The following FLT1 variants were observed in gnomAD, a reference collection of about 807,000 sequenced individuals.
The protein encoded by FLT1 is vascular endothelial growth factor receptor 1.
In FLT1, 49 loss-of-function variants were observed where a neutral mutation model predicts 156.3. The ratio of observed to expected loss-of-function variants is 0.31; its 90% CI spans 0.25 to 0.40. The LOEUF is 0.40. Ranked by LOEUF, FLT1 falls within the 10% of genes least tolerant of loss-of-function variation. The pLI, the probability that FLT1 is intolerant of heterozygous loss-of-function variation, is 1.00. For synonymous variants in FLT1, 594 were observed against 583.8 expected, an observed-to-expected ratio of 1.02 and a Z score of -0.25; for missense variants, 1,322 against 1,637.2, an observed-to-expected ratio of 0.81 and a Z score of 3.32.
At chr13:28,488,330 G>A (rs151108188) in intron 1 of FLT1, among the ~76,000 whole-genome samples, 2,529 of 152,230 alleles carry the variant, frequency 0.017, 67 homozygotes, top group African/African-American at 0.058. Flanking sequence ...AACCTGGGAG[G>A]TGGAGGTGGC....
intron 16 of FLT1, among the ~76,000 whole-genome samples, chr13:28,340,473 A>T (rs529599365): frequency 1.2e-3 from 181 of 152,296 alleles, no homozygotes; most frequent in Non-Finnish European, 2.2e-3. Context: ...TTAATGGGCA[A>T]ATTTCTAGAA....
intron 18 of FLT1, among the ~76,000 whole-genome samples, chr13:28,332,086 G>C (rs1305715572): frequency 6.6e-6 from 1 of 152,090 alleles, no homozygotes; most frequent in Non-Finnish European, 1.5e-5. Context: ...GAATTAGCTA[G>C]GTGTGATGGT....
At chr13:28,306,817 G>A (rs1301788939) in intron 28 of FLT1, 45 bp from the exon 29 acceptor site, 2 of 1,329,272 alleles carry the variant, frequency 1.5e-6, no homozygotes, top group Non-Finnish European at 2.2e-6. Flanking sequence ...TGGCCCAGCG[G>A]GGGTCCATGC....
intron 23 of FLT1, among the ~76,000 whole-genome samples, chr13:28,321,060 C>T (rs1036750080): frequency 6.6e-6 from 1 of 152,188 alleles, no homozygotes; most frequent in Non-Finnish European, 1.5e-5. Flanking sequence ...TTTCCTGAGA[C>T]AGATACACCT....
intron 3 of FLT1, among the ~76,000 whole-genome samples, chr13:28,465,839 A>AAAC (rs1566044341): frequency 6.6e-6 from 1 of 151,906 alleles, no homozygotes; most frequent in Non-Finnish European, 1.5e-5. Context: ...CCATCTCAAA[A>AAAC]AAACAAACAA....
At chr13:28,332,209 C>CA (rs1439554048) in intron 18 of FLT1, among the ~76,000 whole-genome samples, 4 of 152,096 alleles carry the variant, frequency 2.6e-5, no homozygotes, top group Non-Finnish European at 5.9e-5. Flanking sequence ...GCCTGGGCGA[C>CA]AGAGTAAAAC....
rs986987355 is a variant in FLT1 at position 28,493,563 on chromosome 13, T to A, written c.64+1217A>T. On this transcript the variant is annotated intron_variant, in intron 1 of 29. Transcript: ENST00000282397. ...TACTACGCTCCATCCTATTGACTTT[T>A]CTTCCCGGGAATCATTGCAATGACT... Among the ~76,000 whole-genome samples, 11 of 152,338 alleles carry A rather than the reference T, an allele frequency of 7.2e-5. No homozygotes were observed. In the East Asian group the frequency reaches 2.1e-3, roughly 29 times the overall value.
intron 24 of FLT1, among the ~76,000 whole-genome samples, chr13:28,318,004 G>C (rs577840527): frequency 6.6e-6 from 1 of 152,182 alleles, no homozygotes; most frequent in Non-Finnish European, 1.5e-5. Context: ...CTGTCACCAG[G>C]CTGGAGTGTG....
At position 28,312,951 on chromosome 13, in the gene FLT1, A is replaced by ATTTTAT. The variant is rs60905945; in HGVS notation, c.3387-859_3387-854dup. Among the ~76,000 whole-genome samples, 838 of 143,000 alleles carry ATTTTAT rather than the reference A, an allele frequency of 5.9e-3. 9 individuals are homozygous for ATTTTAT. Among genetic ancestry groups the ATTTTAT allele is most frequent in the African/African-American group, 0.021 (802 of 38,426 alleles). The allele number at this position is 143,000 out of a possible 152,430, so 93.8% of individuals were successfully genotyped here. On this transcript the variant is annotated intron_variant, in intron 25 of 29. Coordinates refer to ENST00000282397, the MANE Select transcript of FLT1 (RefSeq NM_002019.4). Reference sequence around the variant, plus strand: ...GACTCCTCTGTGATTCTTCTCTTACATTTTATTTTTATTTTTATTTTTATT... The same window carrying ATTTTAT: ...GACTCCTCTGTGATTCTTCTCTTACATTTTATTTTTATTTTTATTTTTATTTTTATT...
Position 28,322,801 on chromosome 13 carries a change from T to C in FLT1, c.2942A>G (p.Glu981Gly). ...FQEDKSLSDVEEEEDSDGFYK... is the reference protein window; with the variant it reads ...FQEDKSLSDVGEEEDSDGFYK... Reference sequence around the variant, plus strand: ...GAATTAATACCTACCCTCCTCTTCCTCAACATCACTCAGACTTTTATCTTC... The same window carrying C: ...GAATTAATACCTACCCTCCTCTTCCCCAACATCACTCAGACTTTTATCTTC... Residue 981 changes from glutamate (E) to glycine (G), a missense_variant, in exon 21 of 30, where the codon GAG (glutamate) becomes GGG (glycine). Physicochemically the swap from Glu to Gly is moderately conservative, Grantham distance 98 (BLOSUM62 -2). This residue lies in a region of FLT1 where 991 missense variants were observed against 1,254.8 expected (regional missense o/e 0.79). Transcript: ENST00000282397. This position sits in a 1 kb window ranked among gnomAD's most constrained non-coding sequence, Gnocchi z 4.3. 1 of 1,613,990 alleles carries C rather than the reference T, an allele frequency of 6.2e-7. No homozygotes were observed. The highest frequency in any genetic ancestry group is 8.5e-7 in the Non-Finnish European group (1 of 1,180,002).
intron 10 of FLT1, among the ~76,000 whole-genome samples, chr13:28,417,273 C>T (rs952682829): frequency 4.6e-5 from 7 of 152,196 alleles, no homozygotes; most frequent in African/African-American, 1.7e-4. Flanking sequence ...CCACATTCAT[C>T]TCTGGCAAGT....
In FLT1 at chr13:28,301,867, T is replaced by C. The variant is rs1361507176; in HGVS notation, c.*1300A>G. 4.3e-6 allele frequency: 1 copy of C among 233,470 alleles called. No homozygotes were observed. Among genetic ancestry groups the C allele is most frequent in the Non-Finnish European group, 8.5e-6 (1 of 117,954 alleles). 14.5% of individuals were successfully genotyped at this position (233,470 alleles called of 1,614,324 possible). On this transcript the variant is annotated 3_prime_UTR_variant, in exon 30 of 30. Coordinates refer to ENST00000282397, the MANE Select transcript of FLT1 (RefSeq NM_002019.4). The stretch of plus-strand genomic sequence containing the variant: ...ATTAACTAATATCCTGAGTCCCAAC[T>C]GGAGAAATACCTTGCATAAATTACA...
At position 28,365,540 on chromosome 13, in the gene FLT1, T is replaced by TG. The variant is rs529654112; in HGVS notation, c.2117-7856dup. Among the ~76,000 whole-genome samples the TG allele has an allele frequency of 3.9e-4, 60 of 152,068 alleles. No individual in the cohort carries two copies. The East Asian group carries it at 7.7e-3, about 20-fold the overall frequency. On this transcript the variant is annotated intron_variant, in intron 14 of 29. Transcript: ENST00000282397. The stretch of plus-strand genomic sequence containing the variant: ...CTAATTTTTGTATTTTTAGTAGAGA[T>TG]GGGGTTCCACCATGTTGGCCAGGCT...
At chr13:28,333,498 C>T (rs1872004086) in intron 18 of FLT1, among the ~76,000 whole-genome samples, 1 of 152,164 alleles carries the variant, frequency 6.6e-6, no homozygotes, top group East Asian at 1.9e-4. Context: ...TCTTTCAACA[C>T]TAGAAAGATA....
At chr13:28,303,408 GT>G (rs1357568695) in intron 29 of FLT1, 40 bp from the exon 30 acceptor site, 2 of 1,578,770 alleles carry the variant, frequency 1.3e-6, no homozygotes, top group Admixed American at 1.7e-5. Flanking sequence ...TTCAAAATTG[GT>G]TTTTTAGAAA....
intron 4 of FLT1, among the ~76,000 whole-genome samples, chr13:28,436,466 C>T (rs541813255): frequency 9.1e-4 from 139 of 152,200 alleles, no homozygotes; most frequent in Non-Finnish European, 1.5e-3. Context: ...TTCTCTTTCT[C>T]TCTTTTTAAA....
chr13:28,356,178 C>T (rs1377360098), intron 15 of FLT1, among the ~76,000 whole-genome samples: 1 of 152,138 alleles, frequency 6.6e-6, no homozygotes, highest in African/African-American at 2.4e-5. Context: ...CAGTTCAGAC[C>T]TCTCTGGAGG....
intron 29 of FLT1, among the ~76,000 whole-genome samples, chr13:28,305,993 A>G (rs1870729286): frequency 6.6e-6 from 1 of 152,162 alleles, no homozygotes; most frequent in African/African-American, 2.4e-5. Flanking sequence ...TTCGGGTGAG[A>G]CAGGGACAGG....
intron 1 of FLT1, among the ~76,000 whole-genome samples, chr13:28,475,219 T>C (rs1880472902): frequency 6.6e-6 from 1 of 152,270 alleles, no homozygotes; most frequent in Admixed American, 6.5e-5. Flanking sequence ...TAAATGGAAA[T>C]TTTTAACAAA....
Sources: allele counts gnomAD v4.1 joint callset (sites outside exome capture counted in the v4.1 genomes callset), GRCh38; gene constraint gnomAD v4.1.1; regional missense constraint gnomAD v4.1.1; non-coding constraint Gnocchi (gnomAD v3.1); transcripts MANE v1.5; gene names NCBI Gene and HGNC (gene_info 2026-07-23, HGNC 2026-07-21).